Variants in BPIFA3 observed in about 807,000 individuals in gnomAD.
The protein encoded by BPIFA3 is BPI fold-containing family A member 3.
A neutral mutation model predicts 29.7 loss-of-function variants in BPIFA3; 32 were observed. That is an observed-to-expected ratio of 1.08 (90% CI 0.81 to 1.45). The LOEUF (loss-of-function observed/expected upper bound fraction) is 1.45. Among genes scored for constraint, BPIFA3 ranks in the 40% most tolerant of loss-of-function variants. The pLI is 0.00. For missense variants in BPIFA3, 323 were observed against 311.3 expected (o/e 1.04, Z -0.28); for synonymous variants, 112 against 113.7 (o/e 0.98, Z 0.10).
intron 5 of BPIFA3, 72 bp downstream of exon 5, chr20:33,226,562 T>TAAAGTCAC: frequency 5.2e-6 from 5 of 969,274 alleles, no homozygotes; most frequent in Non-Finnish European, 3.2e-6. Flanking sequence ...CCACTGGCAA[T>TAAAGTCAC]TTAGCAAAGG....
intron 5 of BPIFA3, 47 bp downstream of exon 5, chr20:33,226,537 G>T: frequency 1.5e-6 from 2 of 1,299,400 alleles, no homozygotes; most frequent in South Asian, 2.5e-5. Flanking sequence ...TGAGTCCGAG[G>T]GTTAGGGCAT....
chr20:33,225,442 A>G, intron 4 of BPIFA3, 195 bp downstream of exon 4: 1 of 667,984 alleles, frequency 1.5e-6, no homozygotes, highest in Admixed American at 3.0e-5. Context: ...CTCCCTCCTC[A>G]CTCCTCAAGC....
chr20:33,226,359 T>G, intron 4 of BPIFA3, 47 bp from the exon 5 acceptor site: 1 of 1,378,152 alleles, frequency 7.3e-7, no homozygotes, highest in Non-Finnish European at 1.0e-6. Context: ...GCTTTAATAT[T>G]GCCTGGATTG....
In BPIFA3 at chr20:33,226,992, A is replaced by G. The variant is rs1985813029; in HGVS notation, c.684A>G (p.Ile228Met). ...ATGTGAAACTGTTGAAAAGCCTCAT[A>G]GGTGAGTGTCTGGTCCATCCAGTGA... is the stretch of plus-strand genomic sequence containing the variant. ...QLDVKLLKSL[I>M]EQEAAHEPTH... The change falls in exon 6 of 7, where the codon ATA (isoleucine) becomes ATG (methionine). Residue 228 changes from isoleucine to methionine, a missense_variant and splice_region_variant. Ile to Met is a conservative substitution (Grantham distance 10, BLOSUM62 1). Coordinates refer to ENST00000375454, the MANE Select transcript of BPIFA3 (RefSeq NM_178466.5). 1 of 1,613,392 alleles carries G rather than the reference A, an allele frequency of 6.2e-7. No individual in the cohort carries two copies. Among genetic ancestry groups the G allele is most frequent in the Non-Finnish European group, 8.5e-7 (1 of 1,179,324 alleles).
chr20:33,222,554 AGATGGATGGATGGATG>A (rs56018803), intron 1 of BPIFA3, among the ~76,000 whole-genome samples: 21 of 129,428 alleles, frequency 1.6e-4, no homozygotes, highest in African/African-American at 2.5e-4. Context: ...ATAGATGGAC[AGATGGATGGATGGATG>A]GATGGATGGA....
At chr20:33,226,796 C>T in intron 5 of BPIFA3, 134 bp from the exon 6 acceptor site, 1 of 980,476 alleles carries the variant, frequency 1.0e-6, no homozygotes, top group Non-Finnish European at 1.6e-6. Context: ...AGTTGGCGCT[C>T]ACTACAAGGG....
intron 1 of BPIFA3, among the ~76,000 whole-genome samples, chr20:33,218,684 C>G (rs910819939): frequency 5.3e-5 from 8 of 152,102 alleles, no homozygotes; most frequent in African/African-American, 1.9e-4. Flanking sequence ...CAGTTTAGGG[C>G]CATACCCTAA....
At chr20:33,224,082 AAAGAAGAGAAGGTGGAAGGCCCACAC>A in intron 2 of BPIFA3, 121 bp downstream of exon 2, 1 of 1,298,122 alleles carries the variant, frequency 7.7e-7, no homozygotes, top group Non-Finnish European at 1.1e-6. Context: ...AGGAAGATTG[AAAGAAGAGAAGGTGGAAGGCCCACAC>A]AAGGAACAGT....
intron 5 of BPIFA3, 87 bp downstream of exon 5, chr20:33,226,577 C>A: frequency 3.3e-6 from 3 of 910,232 alleles, no homozygotes; most frequent in Non-Finnish European, 1.7e-6. Context: ...CAAAGGATTT[C>A]AAACATTGGA....
intron 1 of BPIFA3, 195 bp from the exon 2 acceptor site, chr20:33,223,616 C>T: frequency 1.7e-6 from 1 of 598,942 alleles, no homozygotes. Flanking sequence ...AGGTGTTTTT[C>T]TTTATTTCTC....
intron 1 of BPIFA3, 103 bp from the exon 2 acceptor site, chr20:33,223,708 G>C: frequency 7.7e-7 from 1 of 1,296,916 alleles, no homozygotes; most frequent in South Asian, 1.4e-5. Context: ...CACTCACTAA[G>C]CAATCAGATC....
chr20:33,227,707 G>T lies in BPIFA3; in HGVS notation c.*90G>T. Reference sequence around the variant, plus strand: ...TGCTACCCTAAAAACTTTACCCCAGGCTCTGTGGACATACCATCCTCTCCT... The same window carrying T: ...TGCTACCCTAAAAACTTTACCCCAGTCTCTGTGGACATACCATCCTCTCCT... On this transcript the variant is annotated 3_prime_UTR_variant, in exon 7 of 7. Transcript: ENST00000375454. 9.1e-7 allele frequency: 1 copy of T among 1,098,052 alleles called. No individual in the cohort carries two copies. The highest frequency in any genetic ancestry group is 1.4e-6 in the Non-Finnish European group (1 of 731,666). 68.0% of individuals were successfully genotyped at this position (1,098,052 alleles called of 1,614,324 possible).
intron 1 of BPIFA3, among the ~76,000 whole-genome samples, chr20:33,221,566 A>G (rs1483424213): frequency 2.0e-5 from 3 of 152,262 alleles, no homozygotes; most frequent in Non-Finnish European, 4.4e-5. Flanking sequence ...GGAAAGTTAT[A>G]CTAACCTCAG....
At chr20:33,220,443 T>C (rs6057766) in intron 1 of BPIFA3, among the ~76,000 whole-genome samples, 1 of 151,978 alleles carries the variant, frequency 6.6e-6, no homozygotes, top group Non-Finnish European at 1.5e-5. Context: ...TAAAATGAAT[T>C]TGTTAATTTA....
In BPIFA3 at chr20:33,227,754, G is replaced by C; in HGVS notation, c.*137G>C. On this transcript the variant is annotated 3_prime_UTR_variant, in exon 7 of 7. Transcript: ENST00000375454. ...TCCTACAATAAACTCTAGCTCTGAA[G>C]GGTGCACAGGTCCCTCCCACCTGGG... 1 of 688,154 alleles carries C rather than the reference G, an allele frequency of 1.5e-6. No homozygotes were observed. Among genetic ancestry groups the C allele is most frequent in the Non-Finnish European group, 2.5e-6 (1 of 404,326 alleles). 42.6% of individuals were successfully genotyped at this position (688,154 alleles called of 1,614,324 possible). A position where few individuals can be genotyped will look rare whatever the true frequency, so the allele number is the denominator to read the frequency against.
rs542232342 is a variant in BPIFA3, at chr20:33,217,574, G to A, written c.38G>A (p.Gly13Glu). Residue 13 changes from glycine (G) to glutamate (E), a missense_variant, in exon 1 of 7, where the codon GGG becomes GAG. Coordinates refer to ENST00000375454, the MANE Select transcript of BPIFA3 (RefSeq NM_178466.5). ...CTCTGGAGGCTCCTCATCTTCCTCGGGTTGCTGGCCTTGCCCTTGGCACCA... is the reference window on the plus strand; with the variant it reads ...CTCTGGAGGCTCCTCATCTTCCTCGAGTTGCTGGCCTTGCCCTTGGCACCA... ...CPLWRLLIFL[G>E]LLALPLAPHK... is the part of the protein sequence containing the mutation. The A allele has an allele frequency of 3.8e-5, 61 of 1,614,128 alleles. No individual in the cohort carries two copies. In the South Asian group the frequency reaches 6.4e-4, roughly 17 times the overall value.
In BPIFA3 at chr20:33,223,916, G is replaced by A. The variant is rs751696718; in HGVS notation, c.233G>A (p.Gly78Asp). The A allele has an allele frequency of 7.4e-6, 12 of 1,614,236 alleles. No homozygotes were observed. The highest frequency in any genetic ancestry group is 9.3e-6 in the Non-Finnish European group (11 of 1,180,026). The stretch of plus-strand genomic sequence containing the variant: ...GCACAAGTGGCCCCAGGGCTGGTGG[G>A]CTGGCTAATCAGCGGCAGGAAACAC... The part of the protein sequence containing the change: ...ASAQVAPGLV[G>D]WLISGRKHQQ... The change falls in exon 2 of 7, where the codon GGC (glycine) becomes GAC (aspartate). Residue 78 changes from glycine to aspartate, a missense_variant. Physicochemically the swap from Gly to Asp is moderately conservative, Grantham distance 94 (BLOSUM62 -1). Transcript: ENST00000375454.
rs1985325716 is a variant in BPIFA3 at position 33,217,641 on chromosome 20, C to A, written c.105C>A (p.Asp35Glu). The change falls in exon 1 of 7, where the codon GAC (aspartate) becomes GAA (glutamate). Residue 35 changes from aspartate (D) to glutamate (E), a missense_variant. Coordinates refer to ENST00000375454, the MANE Select transcript of BPIFA3 (RefSeq NM_178466.5). ...CTGGCCTGGCCCAAGCCCACAGAGA[C>A]AACAAATCCACCCTGGCAAGAAGTA... The part of the protein sequence containing the change: ...PWPGLAQAHR[D>E]NKSTLARIIA... The A allele has an allele frequency of 5.0e-6, 8 of 1,613,716 alleles. No individual in the cohort carries two copies. Among genetic ancestry groups the A allele is most frequent in the Non-Finnish European group, 6.8e-6 (8 of 1,179,916 alleles).
intron 3 of BPIFA3, 121 bp downstream of exon 3, chr20:33,224,583 G>A: frequency 1.2e-6 from 1 of 810,114 alleles, no homozygotes; most frequent in Non-Finnish European, 2.0e-6. Context: ...CACTTGCTGT[G>A]TGACCTTGGG....
Sources: gnomAD v4.1 joint callset for allele counts (sites outside exome capture counted in the v4.1 genomes callset) on GRCh38, gnomAD v4.1.1 for gene constraint, MANE v1.5 for transcripts, NCBI Gene and HGNC (gene_info 2026-07-23, HGNC 2026-07-21) for gene names.